The following DIP2B variants were observed in gnomAD, a reference collection of about 807,000 sequenced individuals.
DIP2B encodes the protein DIP2 acetate--CoA ligase B (putative).
In DIP2B, 76 loss-of-function variants were observed where a neutral mutation model predicts 198.0. The ratio of observed to expected loss-of-function variants is 0.38; its 90% confidence interval spans 0.32 to 0.46. The LOEUF is 0.46. Among genes scored for constraint, DIP2B ranks in the 20% least tolerant of loss-of-function variants. The probability of loss-of-function intolerance (pLI) is 0.99; values close to 1 mark genes in which losing one functional copy is unlikely to be tolerated. For missense variants in DIP2B, 1,559 were observed against 1,978.4 expected, an observed-to-expected ratio of 0.79 and a Z score of 4.02; for synonymous variants, 701 against 739.1, an observed-to-expected ratio of 0.95 and a Z score of 0.84.
At chr12:50,702,685 G>A (rs1413582099) in intron 19 of DIP2B, among the ~76,000 whole-genome samples, 2 of 124,148 alleles carry the variant, frequency 1.6e-5, no homozygotes, top group African/African-American at 6.1e-5. Flanking sequence ...TTACGCCTGT[G>A]ACTAGCCACT....
intron 1 of DIP2B, among the ~76,000 whole-genome samples, chr12:50,601,532 GT>G (rs1287963698): frequency 6.6e-6 from 1 of 151,996 alleles, no homozygotes; most frequent in African/African-American, 2.4e-5. Context: ...TAGAGATGGG[GT>G]TTCACTGTGT....
Position 50,591,104 on chromosome 12 carries a change from G to A in DIP2B, c.101-34872G>A, listed in dbSNP as rs565944002. 3.9e-5 allele frequency among the ~76,000 whole-genome samples: 6 copies of A among 152,234 alleles called. No individual in the cohort carries two copies. The South Asian group carries it at 1.2e-3, about 32-fold the overall frequency. On this transcript the variant is annotated intron_variant, in intron 1 of 37. Coordinates refer to ENST00000301180, the MANE Select transcript of DIP2B (RefSeq NM_173602.3). The stretch of plus-strand genomic sequence containing the variant: ...ACCAGACACCAGATGCTTTGCTGTT[G>A]GACTTCTCAGCCTCCATAACTGTGA...
At position 50,735,024 on chromosome 12, in the gene DIP2B, A is replaced by C. The variant is rs748750326; in HGVS notation, c.4044-49A>C. On this transcript the variant is annotated intron_variant, in intron 33 of 37. Coordinates refer to ENST00000301180, the MANE Select transcript of DIP2B (RefSeq NM_173602.3). Reference sequence around the variant, plus strand: ...AGCACCGAGCTGCAGGAACATGGCGACTTCTCCTCTTAAAAGCCCTATATA... The same window carrying C: ...AGCACCGAGCTGCAGGAACATGGCGCCTTCTCCTCTTAAAAGCCCTATATA... 1.9e-6 allele frequency: 3 copies of C among 1,608,878 alleles called. No homozygotes were observed. In the Admixed American group the frequency reaches 5.0e-5, roughly 27 times the overall value.
chr12:50,545,328 ATCCC>A (rs1257401433), intron 1 of DIP2B, among the ~76,000 whole-genome samples: 9 of 132,966 alleles, frequency 6.8e-5, no homozygotes, highest in Non-Finnish European at 9.8e-5. Context: ...TCCTCCCTTC[ATCCC>A]TCCCTCCCTC....
At chr12:50,711,517 T>A (rs10747587) in intron 22 of DIP2B, among the ~76,000 whole-genome samples, 1 of 151,866 alleles carries the variant, frequency 6.6e-6, no homozygotes, top group Non-Finnish European at 1.5e-5. Flanking sequence ...AGGATTGTGA[T>A]TTTCAAGTTT....
intron 22 of DIP2B, among the ~76,000 whole-genome samples, chr12:50,713,449 A>G (rs150257440): frequency 6.6e-6 from 1 of 152,400 alleles, no homozygotes; most frequent in East Asian, 1.9e-4. Context: ...ATTTAATTAC[A>G]TTATGTGAAA....
intron 2 of DIP2B, 119 bp downstream of exon 2, chr12:50,626,166 GA>G: frequency 2.0e-6 from 2 of 978,530 alleles, no homozygotes; most frequent in Non-Finnish European, 1.5e-6. Context: ...CCAGGGGAGA[GA>G]AAAAAACGGA....
At chr12:50,527,398 T>C (rs1431345557) in intron 1 of DIP2B, among the ~76,000 whole-genome samples, 1 of 152,260 alleles carries the variant, frequency 6.6e-6, no homozygotes, top group Non-Finnish European at 1.5e-5. Context: ...AAATTAATTG[T>C]AATTTTGCAC....
chr12:50,703,895 A>C (rs1421554369), intron 19 of DIP2B, among the ~76,000 whole-genome samples: 1 of 150,566 alleles, frequency 6.6e-6, no homozygotes. Flanking sequence ...AAAACTCAGC[A>C]CATTTATTTA....
chr12:50,625,854 C>G, intron 1 of DIP2B, 122 bp from the exon 2 acceptor site: 1 of 1,018,214 alleles, frequency 9.8e-7, no homozygotes, highest in South Asian at 1.5e-5. Flanking sequence ...ATACATTCCC[C>G]CCCCCAACCC....
intron 1 of DIP2B, among the ~76,000 whole-genome samples, chr12:50,516,834 G>T (rs954732162): frequency 2.0e-5 from 3 of 151,954 alleles, no homozygotes; most frequent in Non-Finnish European, 2.9e-5. Context: ...AATTAGCTGG[G>T]TGTGGTGGCG....
intron 37 of DIP2B, among the ~76,000 whole-genome samples, chr12:50,741,891 G>C (rs1279742981): frequency 6.6e-6 from 1 of 152,114 alleles, no homozygotes. Context: ...CAGCTTAAAG[G>C]CTCTCCTCAT....
At chr12:50,674,247 C>T (rs1259817379) in intron 5 of DIP2B, among the ~76,000 whole-genome samples, 1 of 152,180 alleles carries the variant, frequency 6.6e-6, no homozygotes, top group Non-Finnish European at 1.5e-5. Context: ...ACTAAGGCTA[C>T]TCAAGTCTTA....
At chr12:50,577,470 C>A (rs1958673081) in intron 1 of DIP2B, among the ~76,000 whole-genome samples, 1 of 151,874 alleles carries the variant, frequency 6.6e-6, no homozygotes, top group Non-Finnish European at 1.5e-5. Context: ...GAAGGTGGAG[C>A]TTGCAGTGAG....
intron 23 of DIP2B, among the ~76,000 whole-genome samples, chr12:50,717,896 CTTTTTTTTTTT>C (rs60627093): frequency 4.6e-5 from 4 of 87,056 alleles, no homozygotes; most frequent in Non-Finnish European, 6.2e-5. Flanking sequence ...CCATTATTCA[CTTTTTTTTTTT>C]TTTTTTTTTT....
chr12:50,636,781 G>A (rs936802019), intron 2 of DIP2B, among the ~76,000 whole-genome samples: 2 of 152,146 alleles, frequency 1.3e-5, no homozygotes, highest in Non-Finnish European at 2.9e-5. Flanking sequence ...GGCTCTTTTA[G>A]CCTCATGCAC....
At chr12:50,588,237 C>T (rs983108305) in intron 1 of DIP2B, among the ~76,000 whole-genome samples, 5 of 151,924 alleles carry the variant, frequency 3.3e-5, no homozygotes, top group East Asian at 3.9e-4. Flanking sequence ...CTGCAACCTC[C>T]GCCTCCCAGG....
chr12:50,744,691 A>G lies in DIP2B; in HGVS notation c.4583A>G (p.Glu1528Gly). 1 of 1,614,220 alleles carries G rather than the reference A, an allele frequency of 6.2e-7. No homozygotes were observed. The highest frequency in any genetic ancestry group is 8.5e-7 in the Non-Finnish European group (1 of 1,180,044). ...CCATTAGTGACCAACGTGGTCCTGG[A>G]AGAGCATTACCTCATCGTTGGCGTC... ...LVPLVTNVVL[E>G]EHYLIVGVVV... is the part of the protein sequence containing the mutation. The change falls in exon 38 of 38, where the codon GAA (glutamate) becomes GGA (glycine). Residue 1528 changes from glutamate (E) to glycine (G), a missense_variant. Physicochemically the swap from Glu to Gly is moderately conservative, Grantham distance 98. Transcript: ENST00000301180.
Position 50,685,894 on chromosome 12 carries a change from C to T in DIP2B, c.1379C>T (p.Thr460Ile), listed in dbSNP as rs933483844. The T allele has an allele frequency of 3.1e-6, 5 of 1,613,826 alleles. No individual in the cohort carries two copies. The highest frequency in any genetic ancestry group is 4.2e-6 in the Non-Finnish European group (5 of 1,179,896). ...AGCTGTGGTATTGCCTTAGCTCTTA[C>T]CAGTGAAGTTTGTCTAAAAGGACTG... ...LGSCGIALAL[T>I]SEVCLKGLPK... The change falls in exon 11 of 38, where the codon ACC becomes ATC. Residue 460 changes from threonine (T) to isoleucine (I), a missense_variant. By Grantham distance (89) the Thr-to-Ile change is moderately conservative (BLOSUM62 -1). Transcript: ENST00000301180.
Sources: gnomAD v4.1 joint callset for allele counts (sites outside exome capture counted in the v4.1 genomes callset) on GRCh38, gnomAD v4.1.1 for gene constraint, MANE v1.5 for transcripts, NCBI Gene and HGNC (gene_info 2026-07-23, HGNC 2026-07-21) for gene names.